Variants in GABRB1 observed in about 807,000 individuals in gnomAD.
The protein encoded by GABRB1 is gamma-aminobutyric acid type A receptor subunit beta1.
A neutral mutation model predicts 51.6 loss-of-function variants in GABRB1; 17 were observed. That is an observed-to-expected ratio of 0.33 (90% CI 0.23 to 0.49). The LOEUF (loss-of-function observed/expected upper bound fraction) is 0.49, where lower values mean the gene tolerates loss of function less well. Among genes scored for constraint, GABRB1 ranks in the 20% least tolerant of loss-of-function variants. The probability of loss-of-function intolerance (pLI) is 0.99; values close to 1 mark genes in which losing one functional copy is unlikely to be tolerated. For synonymous variants in GABRB1, 247 were observed against 218.9 expected, an observed-to-expected ratio of 1.13 and a Z score of -1.14; for missense variants, 410 against 600.6, an observed-to-expected ratio of 0.68 and a Z score of 3.32.
chr4:47,097,518 A>G (rs1363481250), intron 3 of GABRB1, among the ~76,000 whole-genome samples: 1 of 152,170 alleles, frequency 6.6e-6, no homozygotes, highest in Non-Finnish European at 1.5e-5. Context: ...TTCTGTCACA[A>G]CACTTCTTCC....
At chr4:47,227,207 G>C (rs577629435) in intron 4 of GABRB1, among the ~76,000 whole-genome samples, 2 of 152,206 alleles carry the variant, frequency 1.3e-5, no homozygotes, top group South Asian at 2.1e-4. Context: ...AGGCAAAGTT[G>C]CTGCAATATT....
At chr4:47,280,025 C>A (rs750037003) in intron 4 of GABRB1, among the ~76,000 whole-genome samples, 2 of 151,816 alleles carry the variant, frequency 1.3e-5, no homozygotes, top group Non-Finnish European at 2.9e-5. Flanking sequence ...TTACTATTGG[C>A]ATTTTGTTAA....
intron 3 of GABRB1, among the ~76,000 whole-genome samples, chr4:47,083,670 T>C (rs1001924857): frequency 6.6e-6 from 1 of 152,134 alleles, no homozygotes; most frequent in African/African-American, 2.4e-5. Flanking sequence ...CCAAGACTCT[T>C]TATCTCCTCC....
chr4:47,064,784 T>A (rs1314628698), intron 3 of GABRB1, among the ~76,000 whole-genome samples: 1 of 152,196 alleles, frequency 6.6e-6, no homozygotes, highest in African/African-American at 2.4e-5. Context: ...CATTGTTTTG[T>A]TCATTGATGC....
At chr4:47,284,029 C>T (rs548059335) in intron 4 of GABRB1, among the ~76,000 whole-genome samples, 1 of 137,168 alleles carries the variant, frequency 7.3e-6, no homozygotes, top group African/African-American at 2.8e-5. Context: ...ACCCGGGAGG[C>T]GGAGCTTGCA....
intron 3 of GABRB1, among the ~76,000 whole-genome samples, chr4:47,076,672 C>CA (rs1053064893): frequency 2.6e-5 from 4 of 151,992 alleles, no homozygotes; most frequent in African/African-American, 9.7e-5. Context: ...CAAAACAAAA[C>CA]AAAAAAACAG....
intron 3 of GABRB1, among the ~76,000 whole-genome samples, chr4:47,068,836 A>G (rs746326345): frequency 1.3e-5 from 2 of 152,230 alleles, no homozygotes; most frequent in African/African-American, 4.8e-5. Flanking sequence ...AAATGGCACC[A>G]ATAACTTGCT....
In GABRB1 at chr4:47,031,675, G is replaced by A. The variant is rs776286747; in HGVS notation, c.24G>A (p.Glu8=). 6 of 1,613,834 alleles carry A rather than the reference G, an allele frequency of 3.7e-6. No individual in the cohort carries two copies. Among genetic ancestry groups the A allele is most frequent in the Middle Eastern group, 1.6e-4 (1 of 6,082 alleles). Residue 8 remains glutamate (E), a synonymous_variant, in exon 1 of 9, where the codon GAG becomes GAA. Transcript: ENST00000295454. The part of the protein sequence containing the change: MWTVQNR[E]SLGLLSFPVM... Reference sequence around the variant, plus strand: ...TAATGTGGACAGTACAAAATCGAGAGAGTCTGGGGCTTCTCTCTTTCCCTG... The same window carrying A: ...TAATGTGGACAGTACAAAATCGAGAAAGTCTGGGGCTTCTCTCTTTCCCTG...
At chr4:47,371,790 G>GT in intron 5 of GABRB1, among the ~76,000 whole-genome samples, 1 of 151,952 alleles carries the variant, frequency 6.6e-6, no homozygotes, top group African/African-American at 2.4e-5. Flanking sequence ...GAGTTGTTTG[G>GT]TTTTTTCTTG....
chr4:47,375,475 C>T (rs1003885495), intron 5 of GABRB1, among the ~76,000 whole-genome samples: 3 of 152,180 alleles, frequency 2.0e-5, no homozygotes, highest in African/African-American at 4.8e-5. Flanking sequence ...AACACATACC[C>T]TAACTTTAAT....
intron 3 of GABRB1, among the ~76,000 whole-genome samples, chr4:47,080,477 T>C (rs1018863069): frequency 6.6e-6 from 1 of 152,152 alleles, no homozygotes; most frequent in Non-Finnish European, 1.5e-5. Flanking sequence ...GTATTAAGTG[T>C]CATGAAAATG....
At chr4:47,207,544 G>C (rs754011901) in intron 4 of GABRB1, among the ~76,000 whole-genome samples, 1 of 151,964 alleles carries the variant, frequency 6.6e-6, no homozygotes, top group East Asian at 1.9e-4. Flanking sequence ...GGCTCTGTAT[G>C]CAACTAACTA....
At position 47,168,486 on chromosome 4, in the gene GABRB1, C is replaced by T. The variant is rs184023609; in HGVS notation, c.461+7017C>T. Among the ~76,000 whole-genome samples, 15 of 151,958 alleles carry T rather than the reference C, an allele frequency of 9.9e-5. No individual in the cohort carries two copies. The East Asian group carries it at 2.9e-3, about 29-fold the overall frequency. ...TGATGTCATGTTTGTGATTATATTC[C>T]CTTATTGTAAATGTCTTTCTCTATC... On this transcript the variant is annotated intron_variant, in intron 4 of 8. Coordinates refer to ENST00000295454, the MANE Select transcript of GABRB1 (RefSeq NM_000812.4).
chr4:47,315,361 A>T (rs1052971398), intron 4 of GABRB1, among the ~76,000 whole-genome samples: 1 of 152,058 alleles, frequency 6.6e-6, no homozygotes, highest in Non-Finnish European at 1.5e-5. Context: ...AATGGCTATT[A>T]TTAGAAAGTA....
chr4:47,278,014 C>A (rs925753301), intron 4 of GABRB1, among the ~76,000 whole-genome samples: 1 of 152,046 alleles, frequency 6.6e-6, no homozygotes, highest in Admixed American at 6.6e-5. Flanking sequence ...GTTTTCATAG[C>A]CCTGCCCTGA....
intron 4 of GABRB1, among the ~76,000 whole-genome samples, chr4:47,288,825 C>A (rs888130833): frequency 2.4e-4 from 36 of 152,300 alleles, no homozygotes; most frequent in African/African-American, 8.4e-4. Context: ...ACTTGCCCAA[C>A]GTCAACAGCT....
intron 3 of GABRB1, among the ~76,000 whole-genome samples, chr4:47,036,034 T>C (rs1725541965): frequency 6.6e-6 from 1 of 152,194 alleles, no homozygotes; most frequent in South Asian, 2.1e-4. Flanking sequence ...CCTGACTCAA[T>C]GCAGGACTCA....
intron 4 of GABRB1, among the ~76,000 whole-genome samples, chr4:47,217,726 A>G (rs1720610303): frequency 6.6e-6 from 1 of 151,320 alleles, no homozygotes; most frequent in South Asian, 2.1e-4. Context: ...ATAATTGTAC[A>G]TATTTATGGG....
chr4:47,384,686 G>A (rs1402226337), intron 5 of GABRB1, among the ~76,000 whole-genome samples: 1 of 152,116 alleles, frequency 6.6e-6, no homozygotes, highest in Non-Finnish European at 1.5e-5. Context: ...TAAAGTAGTA[G>A]TACATTTAAG....
Sources: allele counts gnomAD v4.1 joint callset (sites outside exome capture counted in the v4.1 genomes callset), GRCh38; gene constraint gnomAD v4.1.1; transcripts MANE v1.5; gene names NCBI Gene and HGNC (gene_info 2026-07-23, HGNC 2026-07-21).